The following GPC5 variants were observed in gnomAD, a reference collection of about 807,000 sequenced individuals.
The protein encoded by GPC5 is glypican 5.
In GPC5, 47 loss-of-function variants were observed where a neutral mutation model predicts 53.9. The observed-to-expected ratio is 0.87, with a 90% CI of 0.69 to 1.11. The LOEUF is 1.11. Among genes scored for constraint, GPC5 ranks in the 50% most tolerant of loss-of-function variants. The probability of loss-of-function intolerance (pLI) is 0.00; values close to 1 mark genes in which losing one functional copy is unlikely to be tolerated. For synonymous variants in GPC5, 286 were observed against 263.3 expected, an observed-to-expected ratio of 1.09 and a Z score of -0.84; for missense variants, 748 against 713.1, an observed-to-expected ratio of 1.05 and a Z score of -0.56.
intron 7 of GPC5, among the ~76,000 whole-genome samples, chr13:92,834,599 A>G (rs1298136390): frequency 6.6e-6 from 1 of 152,286 alleles, no homozygotes; most frequent in East Asian, 1.9e-4. Context: ...ACAGGTTGAC[A>G]AAGAGTGTGG....
At chr13:91,441,954 C>A (rs1302727148) in intron 1 of GPC5, among the ~76,000 whole-genome samples, 2 of 152,120 alleles carry the variant, frequency 1.3e-5, no homozygotes, top group African/African-American at 4.8e-5. Flanking sequence ...AAAGACTCTT[C>A]TCTATGTCTA....
At chr13:92,385,670 T>TACATATATACAC (rs1450780978) in intron 7 of GPC5, among the ~76,000 whole-genome samples, 1 of 144,008 alleles carries the variant, frequency 6.9e-6, no homozygotes, top group African/African-American at 2.5e-5. Context: ...TATACATATA[T>TACATATATACAC]ACATATATAC....
At chr13:92,228,616 T>C (rs1447572263) in intron 7 of GPC5, among the ~76,000 whole-genome samples, 2 of 152,154 alleles carry the variant, frequency 1.3e-5, no homozygotes, top group African/African-American at 2.4e-5. Context: ...GAAGATGATC[T>C]TGAATTAGAA....
At chr13:92,163,460 C>CAAAAAAAAA (rs35480023) in intron 7 of GPC5, among the ~76,000 whole-genome samples, 56 of 90,338 alleles carry the variant, frequency 6.2e-4, no homozygotes, top group South Asian at 3.0e-3. Flanking sequence ...GATTCCATCT[C>CAAAAAAAAA]AAAAAAAAAA....
intron 2 of GPC5, among the ~76,000 whole-genome samples, chr13:91,557,656 C>T (rs1383170642): frequency 6.6e-6 from 1 of 152,134 alleles, no homozygotes; most frequent in African/African-American, 2.4e-5. Context: ...TATTCATTCC[C>T]AGTATGTCAC....
At chr13:92,685,087 C>A (rs192809927) in intron 7 of GPC5, among the ~76,000 whole-genome samples, 8 of 150,520 alleles carry the variant, frequency 5.3e-5, no homozygotes, top group African/African-American at 1.5e-4. Context: ...TCCAGTAGTT[C>A]TATTTATTTA....
intron 7 of GPC5, among the ~76,000 whole-genome samples, chr13:92,446,185 T>C (rs1170559012): frequency 6.6e-6 from 1 of 151,986 alleles, no homozygotes; most frequent in Non-Finnish European, 1.5e-5. Flanking sequence ...ATTTTATTCA[T>C]TCTTTCTAAC....
intron 7 of GPC5, among the ~76,000 whole-genome samples, chr13:92,221,688 A>G (rs533620986): frequency 1.1e-4 from 17 of 151,812 alleles, no homozygotes; most frequent in Non-Finnish European, 2.2e-4. Flanking sequence ...CTTCTTGCGC[A>G]AAGTGCACGC....
intron 7 of GPC5, among the ~76,000 whole-genome samples, chr13:92,642,647 C>A (rs1354755300): frequency 6.6e-6 from 1 of 152,180 alleles, no homozygotes; most frequent in East Asian, 1.9e-4. Context: ...TTACCCAGCC[C>A]TTGAGTTTGC....
rs530177949 is a variant in GPC5 at position 92,375,772 on chromosome 13, A to G, written c.1561+230783A>G. 7.2e-5 allele frequency among the ~76,000 whole-genome samples: 11 copies of G among 152,324 alleles called. No homozygotes were observed. The South Asian group carries it at 2.3e-3, about 32-fold the overall frequency. On this transcript the variant is annotated intron_variant, in intron 7 of 7. Transcript: ENST00000377067. ...GTCTTCTTTCTGCTCTTAAAAAGCT[A>G]TTCAAATACTTGAATCAGACCCACT...
intron 7 of GPC5, among the ~76,000 whole-genome samples, chr13:92,756,325 A>C (rs1405908960): frequency 4.4e-4 from 67 of 151,798 alleles, no homozygotes; most frequent in African/African-American, 1.5e-3. Flanking sequence ...TTGATGGGAC[A>C]TATTTAAAAA....
At chr13:91,487,152 T>TA (rs1883652259) in intron 2 of GPC5, among the ~76,000 whole-genome samples, 1 of 151,928 alleles carries the variant, frequency 6.6e-6, no homozygotes, top group South Asian at 2.1e-4. Context: ...AGAGAAAGCA[T>TA]ACAAAATTTA....
intron 5 of GPC5, among the ~76,000 whole-genome samples, chr13:91,784,087 A>G (rs1566682275): frequency 1.3e-5 from 2 of 152,210 alleles, no homozygotes; most frequent in African/African-American, 4.8e-5. Flanking sequence ...AATCAGAGAC[A>G]GATTAGACAC....
At chr13:92,537,917 T>C (rs1219205455) in intron 7 of GPC5, among the ~76,000 whole-genome samples, 1 of 152,140 alleles carries the variant, frequency 6.6e-6, no homozygotes, top group Non-Finnish European at 1.5e-5. Flanking sequence ...GTGTCTCCTA[T>C]TGTGGAAATT....
intron 7 of GPC5, among the ~76,000 whole-genome samples, chr13:92,862,938 G>A (rs1879229232): frequency 1.3e-5 from 2 of 152,060 alleles, no homozygotes; most frequent in Admixed American, 6.6e-5. Context: ...ACACTCTCCT[G>A]CCTCTGTGTA....
In GPC5 at chr13:92,791,334, G is replaced by T. The variant is rs559236805; in HGVS notation, c.1562-74948G>T. Among the ~76,000 whole-genome samples, 22 of 149,586 alleles carry T rather than the reference G, an allele frequency of 1.5e-4. No homozygotes were observed. The South Asian group carries it at 4.4e-3, about 30-fold the overall frequency. On this transcript the variant is annotated intron_variant, in intron 7 of 7. Coordinates refer to ENST00000377067, the MANE Select transcript of GPC5 (RefSeq NM_004466.6). ...AAATGAGTTAAAGAGTTGCCAAGAGGTATTGACACACTCACATGCATACAT... is the reference window on the plus strand; with the variant it reads ...AAATGAGTTAAAGAGTTGCCAAGAGTTATTGACACACTCACATGCATACAT...
At chr13:91,585,085 C>T (rs1452595073) in intron 2 of GPC5, among the ~76,000 whole-genome samples, 1 of 152,120 alleles carries the variant, frequency 6.6e-6, no homozygotes, top group Non-Finnish European at 1.5e-5. Flanking sequence ...GACTAATAAA[C>T]ATAACAAAGG....
chr13:92,182,876 G>GA (rs1555317199), intron 7 of GPC5, among the ~76,000 whole-genome samples: 18,114 of 111,570 alleles, frequency 0.16, 1,687 homozygotes, highest in African/African-American at 0.29. Flanking sequence ...CTCAAAAAAA[G>GA]AAAAAAAAAA....
At chr13:91,926,137 G>A (rs1401663520) in intron 6 of GPC5, among the ~76,000 whole-genome samples, 2 of 151,860 alleles carry the variant, frequency 1.3e-5, no homozygotes, top group African/African-American at 4.8e-5. Flanking sequence ...CGAGGCAGGC[G>A]GATCACGAGG....
Sources: allele counts gnomAD v4.1 joint callset (sites outside exome capture counted in the v4.1 genomes callset), GRCh38; gene constraint gnomAD v4.1.1; transcripts MANE v1.5; gene names NCBI Gene and HGNC (gene_info 2026-07-23, HGNC 2026-07-21).